GSE1: variants seen among roughly 807,000 people sequenced by gnomAD.
GSE1 encodes genetic suppressor element 1.
Under a neutral mutation model 112.6 loss-of-function variants are expected in GSE1, and 32 were observed. The observed-to-expected ratio is 0.28, with a 90% CI of 0.21 to 0.38. The LOEUF (loss-of-function observed/expected upper bound fraction) is 0.38, where lower values mean the gene tolerates loss of function less well. GSE1 is among the 10% of genes least tolerant of loss of function. The pLI is 1.00. For synonymous variants in GSE1, 1,115 were observed against 735.6 expected, an observed-to-expected ratio of 1.52 and a Z score of -8.35; for missense variants, 2,348 against 1,699.2, an observed-to-expected ratio of 1.38 and a Z score of -6.71.
chr16:85,399,195 G>C (rs754996032), intron 2 of GSE1, among the ~76,000 whole-genome samples: 6 of 152,160 alleles, frequency 3.9e-5, no homozygotes, highest in Non-Finnish European at 8.8e-5. Context: ...CGTGTGATGT[G>C]TGTGGTGCTG....
rs892729757 is a variant in GSE1 at position 85,675,409 on chromosome 16, T to C, written c.*2870T>C. The C allele has an allele frequency of 6.6e-5, 10 of 152,344 alleles. No homozygotes were observed. The highest frequency in any genetic ancestry group is 4.6e-4 in the Admixed American group (7 of 15,306). 9.4% of individuals were successfully genotyped at this position (152,344 alleles called of 1,614,324 possible). ...AGAGTCAGACTGACATGATAAAATA[T>C]CATGTTCCTAATCTGTTGTCTCAGA... is the stretch of plus-strand genomic sequence containing the variant. On this transcript the variant is annotated 3_prime_UTR_variant, in exon 16 of 16. Coordinates refer to ENST00000253458, the MANE Select transcript of GSE1 (RefSeq NM_014615.5).
rs76569486 is a variant in GSE1, at chr16:85,459,715, T to C, written c.2464+102072T>C. Among the ~76,000 whole-genome samples the C allele has an allele frequency of 8.6e-3, 1,305 of 151,898 alleles. 16 individuals are homozygous for C. The highest frequency in any genetic ancestry group is 0.03 in the African/African-American group (1,255 of 41,416). On this transcript the variant is annotated intron_variant, in intron 2 of 2. Transcript: ENST00000637419. ...CCAGTCTGCCCACCCTGCAGAGGAGTATATTGAGGCCCTGAAAGTTACGTG... is the reference window on the plus strand; with the variant it reads ...CCAGTCTGCCCACCCTGCAGAGGAGCATATTGAGGCCCTGAAAGTTACGTG...
chr16:85,659,800 G>A (rs1244931170), intron 8 of GSE1: 1 of 152,264 alleles, frequency 6.6e-6, no homozygotes, highest in Non-Finnish European at 1.5e-5. Flanking sequence ...TAATGGAAGG[G>A]TTCTGATGTT....
At chr16:85,516,429 G>A (rs2051938968) in intron 2 of GSE1, among the ~76,000 whole-genome samples, 1 of 147,396 alleles carries the variant, frequency 6.8e-6, no homozygotes, top group East Asian at 2.0e-4. Flanking sequence ...AGATCAGCCT[G>A]GGCTGCATAG....
chr16:85,531,687 C>T (rs902706429), intron 2 of GSE1, among the ~76,000 whole-genome samples: 17 of 152,304 alleles, frequency 1.1e-4, no homozygotes, highest in South Asian at 4.1e-4. Context: ...TGTGTTTATT[C>T]GGCCAAGGGA....
intron 1 of GSE1, among the ~76,000 whole-genome samples, chr16:85,619,873 GTAAT>G (rs987009142): frequency 9.9e-5 from 15 of 152,274 alleles, no homozygotes; most frequent in African/African-American, 2.9e-4. Flanking sequence ...CACACAGCTG[GTAAT>G]TAATTGGTAG....
At chr16:85,319,589 C>T (rs962422910) in intron 1 of GSE1, among the ~76,000 whole-genome samples, 6 of 152,188 alleles carry the variant, frequency 3.9e-5, no homozygotes, top group Non-Finnish European at 8.8e-5. Context: ...GACATTATTG[C>T]GACCATCTCA....
At chr16:85,622,638 G>A (rs1387760727) in intron 1 of GSE1, among the ~76,000 whole-genome samples, 2 of 152,218 alleles carry the variant, frequency 1.3e-5, no homozygotes, top group Non-Finnish European at 2.9e-5. Context: ...CTTGAGAGTG[G>A]ACCTTTTTGC....
At chr16:85,447,173 G>T (rs2049540300) in intron 2 of GSE1, among the ~76,000 whole-genome samples, 1 of 152,144 alleles carries the variant, frequency 6.6e-6, no homozygotes, top group Non-Finnish European at 1.5e-5. Context: ...GGCCCACCTT[G>T]CCTGCTTTGC....
At chr16:85,650,210 A>G (rs1322209240) in intron 3 of GSE1, among the ~76,000 whole-genome samples, 1 of 152,166 alleles carries the variant, frequency 6.6e-6, no homozygotes. Flanking sequence ...GGAGCAGCCC[A>G]AGGCGGCCCT....
At chr16:85,181,868 G>A (rs375870985) in intron 1 of GSE1, among the ~76,000 whole-genome samples, 3 of 152,310 alleles carry the variant, frequency 2.0e-5, no homozygotes, top group South Asian at 2.1e-4. Context: ...AGAGCATGGC[G>A]GGGCCTTGCC....
Position 85,633,936 on chromosome 16 carries a change from C to A in GSE1, c.30C>A (p.Ser10=), listed in dbSNP as rs763622327. The stretch of plus-strand genomic sequence containing the variant: ...CAGGCATGAGCCATGAGCCCAAGTC[C>A]CCTTCGCTAGGGATGCTTTCCACCG... The part of the protein sequence containing the change: MKGMSHEPK[S]PSLGMLSTAT... The change falls in exon 2 of 16, where the codon TCC becomes TCA. Residue 10 remains serine (S), a synonymous_variant. Coordinates refer to ENST00000253458, the MANE Select transcript of GSE1 (RefSeq NM_014615.5). The A allele has an allele frequency of 8.7e-6, 14 of 1,612,036 alleles. No individual in the cohort carries two copies. The highest frequency in any genetic ancestry group is 1.6e-4 in the Middle Eastern group (1 of 6,074).
chr16:85,514,760 C>G (rs950974395), intron 2 of GSE1, among the ~76,000 whole-genome samples: 5 of 152,042 alleles, frequency 3.3e-5, no homozygotes, highest in African/African-American at 9.7e-5. Context: ...GCCCCTTGCC[C>G]CAGGGGGTTG....
At chr16:85,657,245 G>C in intron 7 of GSE1, 32 bp from the exon 8 acceptor site, 1 of 1,464,144 alleles carries the variant, frequency 6.8e-7, no homozygotes, top group Non-Finnish European at 9.2e-7. Context: ...CCACGTGGCT[G>C]AGATCCTGCT....
chr16:85,516,655 G>C (rs1364690498), intron 2 of GSE1, among the ~76,000 whole-genome samples: 1 of 151,486 alleles, frequency 6.6e-6, no homozygotes, highest in East Asian at 1.9e-4. Context: ...TAACATTAGA[G>C]GGCCAGGAGG....
chr16:85,284,215 G>C (rs1276377728), intron 1 of GSE1, among the ~76,000 whole-genome samples: 2 of 152,240 alleles, frequency 1.3e-5, no homozygotes, highest in Non-Finnish European at 2.9e-5. Flanking sequence ...TCGTGCTTTA[G>C]CTGTCGCTGT....
intron 1 of GSE1, 78 bp downstream of exon 1, chr16:85,613,476 T>A: frequency 7.5e-7 from 1 of 1,332,212 alleles, no homozygotes; most frequent in Non-Finnish European, 1.0e-6. Flanking sequence ...AGTTCGCGGG[T>A]TTCGCGGGGG....
At chr16:85,327,793 C>T (rs1597398719) in intron 1 of GSE1, among the ~76,000 whole-genome samples, 1 of 152,172 alleles carries the variant, frequency 6.6e-6, no homozygotes, top group African/African-American at 2.4e-5. Flanking sequence ...GCCCATTTTA[C>T]GGATCAGCAA....
At chr16:85,331,405 ATATATATGCGTATATATG>A (rs2046348064) in intron 1 of GSE1, among the ~76,000 whole-genome samples, 2 of 141,690 alleles carry the variant, frequency 1.4e-5, no homozygotes, top group African/African-American at 5.2e-5. Context: ...GTATATATGT[ATATATATGCGTATATATG>A]TATATATGTA....
Sources: gnomAD v4.1 joint callset for allele counts (sites outside exome capture counted in the v4.1 genomes callset) on GRCh38, gnomAD v4.1.1 for gene constraint, MANE v1.5 for transcripts, NCBI Gene and HGNC (gene_info 2026-07-23, HGNC 2026-07-21) for gene names.